Variants in DNER observed in about 807,000 individuals in gnomAD.
DNER encodes delta/notch like EGF repeat containing, also known as delta and Notch-like epidermal growth factor-related receptor.
A neutral mutation model predicts 78.2 loss-of-function variants in DNER; 33 were observed. That is an observed-to-expected ratio of 0.42 (90% CI 0.32 to 0.56). DNER has a LOEUF of 0.56. Among genes scored for constraint, DNER ranks in the 20% least tolerant of loss-of-function variants. DNER has a pLI of 0.11. For missense variants in DNER, 918 were observed against 975.3 expected (o/e 0.94, Z 0.78); for synonymous variants, 417 against 384.8 (o/e 1.08, Z -0.98).
chr2:229,599,380 A>T (rs1310367591), intron 1 of DNER, among the ~76,000 whole-genome samples: 1 of 152,224 alleles, frequency 6.6e-6, no homozygotes, highest in Non-Finnish European at 1.5e-5. Context: ...GAACAAAAAC[A>T]ATAGCCTTAA....
intron 1 of DNER, among the ~76,000 whole-genome samples, chr2:229,699,924 T>TG (rs1166079825): frequency 6.6e-6 from 1 of 151,890 alleles, no homozygotes; most frequent in Non-Finnish European, 1.5e-5. Context: ...AAATGAAAAA[T>TG]GATACATAGG....
At chr2:229,410,306 G>A (rs892321649) in intron 9 of DNER, among the ~76,000 whole-genome samples, 3 of 152,174 alleles carry the variant, frequency 2.0e-5, no homozygotes, top group Non-Finnish European at 4.4e-5. Context: ...TCTCCTGTCT[G>A]ATTCTCCCAC....
intron 1 of DNER, among the ~76,000 whole-genome samples, chr2:229,666,816 T>C (rs1299411984): frequency 2.0e-5 from 3 of 152,212 alleles, no homozygotes; most frequent in Non-Finnish European, 4.4e-5. Context: ...TATAGCATTA[T>C]GGTTCTGTGA....
chr2:229,566,243 A>T (rs887965344), intron 4 of DNER, among the ~76,000 whole-genome samples: 1 of 152,098 alleles, frequency 6.6e-6, no homozygotes, highest in Non-Finnish European at 1.5e-5. Context: ...ATGATCTTTC[A>T]ATTGTCTTTG....
At position 229,428,318 on chromosome 2, in the gene DNER, G is replaced by C. The variant is rs149092915; in HGVS notation, c.1487-10088C>G. Among the ~76,000 whole-genome samples, 57 of 152,222 alleles carry C rather than the reference G, an allele frequency of 3.7e-4. No homozygotes were observed. In the East Asian group the frequency reaches 7.9e-3, roughly 21 times the overall value. On this transcript the variant is annotated intron_variant, in intron 8 of 12. Transcript: ENST00000341772. ...CGGCTGGGATGAGAGTGGTGACAGG[G>C]CCATGTGGAATATAAATGTCAAGAG...
At chr2:229,437,468 C>T (rs1316381892) in intron 8 of DNER, among the ~76,000 whole-genome samples, 1 of 152,178 alleles carries the variant, frequency 6.6e-6, no homozygotes, top group Non-Finnish European at 1.5e-5. Flanking sequence ...TAAATCCAAA[C>T]CAATGAAGAA....
At chr2:229,712,544 A>T (rs770551518) in intron 1 of DNER, among the ~76,000 whole-genome samples, 57 of 152,372 alleles carry the variant, frequency 3.7e-4, no homozygotes, top group Middle Eastern at 3.4e-3. Context: ...ACGTGTGAAT[A>T]TAACAGCAGT....
At chr2:229,563,710 C>A (rs1395768831) in intron 4 of DNER, among the ~76,000 whole-genome samples, 1 of 145,496 alleles carries the variant, frequency 6.9e-6, no homozygotes, top group Admixed American at 6.8e-5. Flanking sequence ...TCATCCTCCT[C>A]ACCCCATCAC....
intron 1 of DNER, among the ~76,000 whole-genome samples, chr2:229,671,327 A>G (rs1160884055): frequency 6.6e-6 from 1 of 152,112 alleles, no homozygotes; most frequent in African/African-American, 2.4e-5. Context: ...GCTTGTCCTC[A>G]CTCAGGGCTA....
intron 4 of DNER, among the ~76,000 whole-genome samples, chr2:229,581,182 G>A (rs996978105): frequency 2.6e-5 from 4 of 152,180 alleles, no homozygotes; most frequent in African/African-American, 9.7e-5. Flanking sequence ...ACACCCCAGA[G>A]ATCTGGTTTG....
At position 229,542,775 on chromosome 2, in the gene DNER, C is replaced by CA. The variant is rs56738752; in HGVS notation, c.993+4171dup. On this transcript the variant is annotated intron_variant, in intron 5 of 12. Coordinates refer to ENST00000341772, the MANE Select transcript of DNER (RefSeq NM_139072.4). ...AAAAAGTCACAGGAACCCAAGTAGGCAAAAAAAAAAAAAAAAAAAAGATTT... is the reference window on the plus strand; with the variant it reads ...AAAAAGTCACAGGAACCCAAGTAGGCAAAAAAAAAAAAAAAAAAAAAGATTT... Among the ~76,000 whole-genome samples the CA allele has an allele frequency of 2.3e-3, 199 of 88,208 alleles. 2 individuals carry two copies. The highest frequency in any genetic ancestry group is 7.7e-3 in the African/African-American group (187 of 24,394). 57.9% of individuals were successfully genotyped at this position (88,208 alleles called of 152,430 possible).
chr2:229,537,513 T>C (rs1175526457), intron 5 of DNER, among the ~76,000 whole-genome samples: 2 of 152,170 alleles, frequency 1.3e-5, no homozygotes, highest in African/African-American at 4.8e-5. Context: ...TAGACCTTGA[T>C]TTCCTGGTGT....
chr2:229,534,854 G>C (rs1696373398), intron 5 of DNER, among the ~76,000 whole-genome samples: 1 of 150,870 alleles, frequency 6.6e-6, no homozygotes, highest in Admixed American at 6.6e-5. Flanking sequence ...TTTTTATTTT[G>C]AGATGGAGTC....
rs566393425 is a variant in DNER, at chr2:229,549,753, A to C, written c.848-2661T>G. On this transcript the variant is annotated intron_variant, in intron 4 of 12. Coordinates refer to ENST00000341772, the MANE Select transcript of DNER (RefSeq NM_139072.4). ...GGTGAAACCCCCATCTCTACTAAAAATACAAAAATTAGCCAGGCATGTTGG... is the reference window on the plus strand; with the variant it reads ...GGTGAAACCCCCATCTCTACTAAAACTACAAAAATTAGCCAGGCATGTTGG... Among the ~76,000 whole-genome samples, 29 of 152,080 alleles carry C rather than the reference A, an allele frequency of 1.9e-4. No individual in the cohort carries two copies. In the South Asian group the frequency reaches 6.0e-3, roughly 32 times the overall value.
intron 1 of DNER, among the ~76,000 whole-genome samples, chr2:229,593,659 G>A (rs913942688): frequency 5.3e-5 from 8 of 152,222 alleles, no homozygotes; most frequent in African/African-American, 2.4e-5. Flanking sequence ...ACGTGATGAG[G>A]GAGGGATGTG....
intron 5 of DNER, among the ~76,000 whole-genome samples, chr2:229,543,545 A>G (rs945390592): frequency 1.3e-5 from 2 of 152,172 alleles, no homozygotes; most frequent in Non-Finnish European, 2.9e-5. Flanking sequence ...CTTACAGGAC[A>G]TTTCTCTCGT....
chr2:229,652,186 A>G (rs1386854881), intron 1 of DNER, among the ~76,000 whole-genome samples: 1 of 152,244 alleles, frequency 6.6e-6, no homozygotes, highest in Non-Finnish European at 1.5e-5. Flanking sequence ...GAAAGGTAGC[A>G]GGAAGAGTGA....
chr2:229,702,409 GC>G (rs372049705), intron 1 of DNER, among the ~76,000 whole-genome samples: 74 of 152,244 alleles, frequency 4.9e-4, no homozygotes, highest in African/African-American at 1.5e-3. Flanking sequence ...GGTGGTGCAT[GC>G]CTATAGTCCC....
At chr2:229,361,043 GCTGTATCT>G (rs1444135473) in intron 12 of DNER, among the ~76,000 whole-genome samples, 2 of 152,150 alleles carry the variant, frequency 1.3e-5, no homozygotes, top group Non-Finnish European at 2.9e-5. Flanking sequence ...CACCTGAAAT[GCTGTATCT>G]ACCATATGGA....
Sources: gnomAD v4.1 joint callset for allele counts (sites outside exome capture counted in the v4.1 genomes callset) on GRCh38, gnomAD v4.1.1 for gene constraint, MANE v1.5 for transcripts, NCBI Gene and HGNC (gene_info 2026-07-23, HGNC 2026-07-21) for gene names.